Variants in REPIN1 observed in about 807,000 individuals in gnomAD.
REPIN1 encodes the protein DNA-binding protein REPIN1.
A neutral mutation model predicts 5.7 loss-of-function variants in REPIN1; 4 were observed. The ratio of observed to expected loss-of-function variants is 0.71; its 90% CI spans 0.35 to 1.62. The LOEUF (loss-of-function observed/expected upper bound fraction) is 1.62. Ranked by LOEUF, REPIN1 falls within the 40% of genes most tolerant of loss-of-function variation. The pLI is 0.05. For missense variants in REPIN1, 854 were observed against 901.0 expected (o/e 0.95, Z 0.67); for synonymous variants, 410 against 386.2 (o/e 1.06, Z -0.72).
At position 150,372,768 on chromosome 7, in the gene REPIN1, C is replaced by T. The variant is rs1329772445; in HGVS notation, c.1698C>T (p.His566=). 1 of 1,612,182 alleles carries T rather than the reference C, an allele frequency of 6.2e-7. No homozygotes were observed. The highest frequency in any genetic ancestry group is 8.5e-7 in the Non-Finnish European group (1 of 1,179,950). The change falls in exon 3 of 3, where the codon CAC becomes CAT. Residue 566 remains histidine, a synonymous_variant. Transcript: ENST00000489432. ...ACCTGGTGTCGCACCGGCGCATCCA[C>T]ACGGGCGAGCGGCCCTACGCCTGTC... ...KSNLVSHRRI[H]TGERPYACPD...
chr7:150,370,496 G>A, intron 2 of REPIN1: 1 of 495,968 alleles, frequency 2.0e-6, no homozygotes, highest in Non-Finnish European at 3.7e-6. Flanking sequence ...CCCGAGAAGG[G>A]CTGTTCTCAC....
At position 150,371,211 on chromosome 7, in the gene REPIN1, T is replaced by G; in HGVS notation, c.158-17T>G. On this transcript the variant is annotated splice_polypyrimidine_tract_variant and intron_variant, in intron 2 of 2. Coordinates refer to ENST00000489432, the MANE Select transcript of REPIN1 (RefSeq NM_001099695.2). The stretch of plus-strand genomic sequence containing the variant: ...AGTGAGTTGGTCTCTGGAGTGACTG[T>G]GCTTTTCCACCCTCAGCAGAGGAAG... 6.4e-7 allele frequency: 1 copy of G among 1,561,334 alleles called. No individual in the cohort carries two copies. Among genetic ancestry groups the G allele is most frequent in the Non-Finnish European group, 8.7e-7 (1 of 1,153,494 alleles).
At position 150,369,778 on chromosome 7, in the gene REPIN1, C is replaced by T. The variant is rs751540915; in HGVS notation, c.67C>T (p.Arg23Ter). 2.6e-5 allele frequency: 42 copies of T among 1,613,718 alleles called. No homozygotes were observed. The highest frequency in any genetic ancestry group is 3.4e-5 in the Non-Finnish European group (40 of 1,179,796). Reference protein sequence around the residue: ...LTPGGYRSVGRSRRCSRGSIP... With the variant: ...LTPGGYRSVG ...ACCTGGGGGCTACCGGAGTGTGGGC[C>T]GAAGCAGGCGCTGCAGCCGCGGAAG... The change falls in exon 2 of 3, where the codon CGA becomes TGA. Residue 23 changes from arginine to a stop codon, truncating the protein, a stop_gained. Coordinates refer to ENST00000489432, the MANE Select transcript of REPIN1 (RefSeq NM_001099695.2). LOFTEE classifies it high-confidence loss of function.
rs73728120 is a variant in REPIN1, at chr7:150,369,921, G to A, written c.157+53G>A. ...AAACCACGCCACAACAGGGGTGCAC[G>A]GGCGTCCCCATCCCGGCGGAAGGAA... On this transcript the variant is annotated intron_variant, in intron 2 of 2. Coordinates refer to ENST00000489432, the MANE Select transcript of REPIN1 (RefSeq NM_001099695.2). The A allele has an allele frequency of 5.8e-5, 89 of 1,528,520 alleles. No homozygotes were observed. The African/African-American group carries it at 1.1e-3, about 20-fold the overall frequency. The allele number at this position is 1,528,520 out of a possible 1,614,324, so 94.7% of individuals were successfully genotyped here.
In REPIN1 at chr7:150,373,165, A is replaced by T. The variant is rs1800068969; in HGVS notation, c.*220A>T. On this transcript the variant is annotated 3_prime_UTR_variant, in exon 3 of 3. Coordinates refer to ENST00000489432, the MANE Select transcript of REPIN1 (RefSeq NM_001099695.2). ...TCCAAGCGCAGGGACGCCGGCCTCC[A>T]GCTGGTGTGTGCTAAGGCTCCGTCC... 1 of 659,186 alleles carries T rather than the reference A, an allele frequency of 1.5e-6. No individual in the cohort carries two copies. Among genetic ancestry groups the T allele is most frequent in the South Asian group, 2.0e-5 (1 of 51,054 alleles). 40.8% of individuals were successfully genotyped at this position (659,186 alleles called of 1,614,324 possible). A position where few individuals can be genotyped will look rare whatever the true frequency, so the allele number is the denominator to read the frequency against.
intron 1 of REPIN1, chr7:150,369,296 G>T: frequency 2.4e-6 from 1 of 422,766 alleles, no homozygotes; most frequent in South Asian, 3.1e-5. Context: ...CAGCCCCATG[G>T]GAAATAGGCC....
chr7:150,371,507 AGTGTGGCCG>A lies in REPIN1; in HGVS notation c.438_446del (p.Glu146_Arg149delinsAsp). ...GCCCGGCTGCCCTTGCCCTGCCCTG[AGTGTGGCCG>A]TCGCTTTCGCCATGCCCCCTTCTTA... On this transcript the variant is annotated inframe_deletion, in exon 3 of 3. Transcript: ENST00000489432. The A allele has an allele frequency of 1.2e-6, 2 of 1,606,664 alleles. No homozygotes were observed. Among genetic ancestry groups the A allele is most frequent in the Non-Finnish European group, 1.7e-6 (2 of 1,179,680 alleles).
Position 150,369,860 on chromosome 7 carries a change from G to C in REPIN1, c.149G>C (p.Ser50Thr), listed in dbSNP as rs1799368699. Reference sequence around the variant, plus strand: ...AAAAAGCCTCATCCCCAGCTCTGCAGTCTCCAGGGTAGAGTCTGGCCTTTG... The same window carrying C: ...AAAAAGCCTCATCCCCAGCTCTGCACTCTCCAGGGTAGAGTCTGGCCTTTG... ...SWKKPHPQLC[S>T]LQAEEEPMLE... The change falls in exon 2 of 3, where the codon AGT (serine) becomes ACT (threonine). Residue 50 changes from serine (S) to threonine (T), a missense_variant. Around this residue, in one of 5 missense-constraint regions of REPIN1, gnomAD observed 409 missense variants for 418.6 expected, o/e 0.98. Coordinates refer to ENST00000489432, the MANE Select transcript of REPIN1 (RefSeq NM_001099695.2). 6.2e-7 allele frequency: 1 copy of C among 1,601,264 alleles called. No individual in the cohort carries two copies. Among genetic ancestry groups the C allele is most frequent in the Non-Finnish European group, 8.5e-7 (1 of 1,170,890 alleles).
upstream of REPIN1, chr7:150,368,791 C>G (rs1245489865): frequency 2.0e-5 from 6 of 292,684 alleles, no homozygotes; most frequent in Admixed American, 5.1e-5. Flanking sequence ...CGCTGGGAAC[C>G]CGGCGGGGGG....
chr7:150,369,186 A>G lies in REPIN1; in HGVS notation c.-42+245A>G, dbSNP rs1404538330. On this transcript the variant is annotated intron_variant, in intron 1 of 2. Transcript: ENST00000489432. ...CCGGGAGCGTGGACGGAGGACACGC[A>G]TCAGTACAAAAGGGCGGTGTGGGGC... 2.0e-5 allele frequency among the ~76,000 whole-genome samples: 3 copies of G among 152,372 alleles called. No individual in the cohort carries two copies. In the East Asian group the frequency reaches 5.8e-4, roughly 29 times the overall value.
chr7:150,371,001 G>T, intron 2 of REPIN1: 1 of 644,152 alleles, frequency 1.6e-6, no homozygotes. Flanking sequence ...CCTTCTGGAA[G>T]TTTCCAGGGC....
Position 150,372,447 on chromosome 7 carries a change from CT to C in REPIN1, c.1379del (p.Phe460SerfsTer212). On this transcript the variant is annotated frameshift_variant, in exon 3 of 3. Coordinates refer to ENST00000489432, the MANE Select transcript of REPIN1 (RefSeq NM_001099695.2). LOFTEE classifies it low-confidence loss of function (END_TRUNC). ...HQRQHTGERP[F>X]TCAECGKNFG... The stretch of plus-strand genomic sequence containing the variant: ...AGCGGCAGCACACCGGGGAGCGGCC[CT>C]TCACCTGCGCCGAGTGCGGGAAGAA... The C allele has an allele frequency of 6.6e-7, 1 of 1,526,556 alleles. No homozygotes were observed. The highest frequency in any genetic ancestry group is 1.4e-5 in the African/African-American group (1 of 72,864). 94.6% of individuals were successfully genotyped at this position (1,526,556 alleles called of 1,614,324 possible).
intron 2 of REPIN1, 158 bp from the exon 3 acceptor site, chr7:150,371,070 A>G (rs1799648781): frequency 1.2e-6 from 1 of 822,832 alleles, no homozygotes; most frequent in South Asian, 1.8e-5. Flanking sequence ...GATTGAAATA[A>G]TACATACCAC....
chr7:150,371,115 C>A, intron 2 of REPIN1, 113 bp from the exon 3 acceptor site: 1 of 1,223,894 alleles, frequency 8.2e-7, no homozygotes, highest in Non-Finnish European at 1.1e-6. Flanking sequence ...GCTCCATGTC[C>A]GGGGCTCTAG....
intron 2 of REPIN1, chr7:150,370,285 G>T: frequency 4.1e-6 from 1 of 244,490 alleles, no homozygotes; most frequent in Non-Finnish European, 8.1e-6. Flanking sequence ...CCAGCACCCC[G>T]AGGGAGGCAG....
chr7:150,368,882 G>A lies in REPIN1; in HGVS notation c.-101G>A, dbSNP rs1332353090. On this transcript the variant is annotated 5_prime_UTR_variant, in exon 1 of 3. Coordinates refer to ENST00000489432, the MANE Select transcript of REPIN1 (RefSeq NM_001099695.2). ...GGGGCGGGGAGCGAGAGTGGGCCGC[G>A]GAGGCCGGCCTTCGGGCTCCATGGA... 2 of 348,862 alleles carry A rather than the reference G, an allele frequency of 5.7e-6. No homozygotes were observed. The highest frequency in any genetic ancestry group is 4.5e-5 in the East Asian group (1 of 22,136). The allele number at this position is 348,862 out of a possible 1,614,324, so 21.6% of individuals were successfully genotyped here. A position where few individuals can be genotyped will look rare whatever the true frequency, so the allele number is the denominator to read the frequency against.
rs1330542541 is a variant in REPIN1, at chr7:150,373,532, C to T, written c.*587C>T. The T allele has an allele frequency of 5.8e-6, 1 of 171,394 alleles. No individual in the cohort carries two copies. The highest frequency in any genetic ancestry group is 1.9e-4 in the East Asian group (1 of 5,232). The allele number at this position is 171,394 out of a possible 1,614,324, so 10.6% of individuals were successfully genotyped here. A position where few individuals can be genotyped will look rare whatever the true frequency, so the allele number is the denominator to read the frequency against. On this transcript the variant is annotated 3_prime_UTR_variant, in exon 3 of 3. Coordinates refer to ENST00000489432, the MANE Select transcript of REPIN1 (RefSeq NM_001099695.2). ...GGCACCCAGACTTGGAGAGACCCGT[C>T]TGCTGTTAATACTTCCATCCTCTTC...
In REPIN1 at chr7:150,371,797, T is replaced by G. The variant is rs1300922749; in HGVS notation, c.727T>G (p.Phe243Val). Residue 243 changes from phenylalanine (F) to valine (V), a missense_variant, in exon 3 of 3, where the codon TTT becomes GTT. Phe to Val is a conservative substitution (Grantham distance 50, BLOSUM62 -1). This residue lies in a region of REPIN1 where 409 missense variants were observed against 418.6 expected (regional missense o/e 0.98). Coordinates refer to ENST00000489432, the MANE Select transcript of REPIN1 (RefSeq NM_001099695.2). The stretch of plus-strand genomic sequence containing the variant: ...CATATGCGGCAACTGTGGCCGGAGC[T>G]TTGCCCAGTGGGACCAGCTAGTTGC... ...PFICGNCGRSFAQWDQLVAHK... is the reference protein window; with the variant it reads ...PFICGNCGRSVAQWDQLVAHK... 6.2e-7 allele frequency: 1 copy of G among 1,611,122 alleles called. No individual in the cohort carries two copies. The highest frequency in any genetic ancestry group is 8.5e-7 in the Non-Finnish European group (1 of 1,179,448).
intron 1 of REPIN1, 104 bp downstream of exon 1, chr7:150,369,045 G>T (rs1224970084): frequency 8.1e-6 from 3 of 372,592 alleles, no homozygotes; most frequent in South Asian, 1.3e-4. Context: ...TGAGTGCGCG[G>T]GGGGGGACGC....
Sources: gnomAD v4.1 joint callset for allele counts (sites outside exome capture counted in the v4.1 genomes callset) on GRCh38, gnomAD v4.1.1 for gene constraint, gnomAD v4.1.1 regional missense constraint, MANE v1.5 for transcripts, NCBI Gene and HGNC (gene_info 2026-07-23, HGNC 2026-07-21) for gene names.